AFF4: variants seen among roughly 807,000 people sequenced by gnomAD.
AFF4 encodes the protein ALF transcription elongation factor 4.
A neutral mutation model predicts 124.8 loss-of-function variants in AFF4; 13 were observed. The observed-to-expected ratio is 0.10, with a 90% CI of 0.07 to 0.17. The LOEUF (loss-of-function observed/expected upper bound fraction) is 0.17, where lower values mean the gene tolerates loss of function less well. AFF4 is among the 10% of genes least tolerant of loss of function. The pLI is 1.00. For synonymous variants in AFF4, 477 were observed against 496.1 expected, an observed-to-expected ratio of 0.96 and a Z score of 0.51; for missense variants, 1,092 against 1,403.8, an observed-to-expected ratio of 0.78 and a Z score of 3.55.
chr5:132,959,757 CTTTTTTT>C (rs1163731664), intron 1 of AFF4, among the ~76,000 whole-genome samples: 9 of 71,506 alleles, frequency 1.3e-4, no homozygotes, highest in South Asian at 1.1e-3. Flanking sequence ...GAGTGCTTTT[CTTTTTTT>C]TTTTTTTTTT....
chr5:132,910,632 G>A (rs1350659676), intron 5 of AFF4, among the ~76,000 whole-genome samples: 2 of 151,904 alleles, frequency 1.3e-5, no homozygotes, highest in East Asian at 1.9e-4. Flanking sequence ...ATAAGCTATC[G>A]GTAAGAAGCA....
In AFF4 at chr5:132,918,016, C is replaced by A. The variant is rs1581302608; in HGVS notation, c.1050+9105G>T. ...TACAGGCATGAGCCACCGCATCCAG[C>A]CCATGAAATGTATTTCTATAAATTA... On this transcript the variant is annotated intron_variant, in intron 5 of 20. Transcript: ENST00000265343. Among the ~76,000 whole-genome samples, 3 of 151,344 alleles carry A rather than the reference C, an allele frequency of 2.0e-5. No individual in the cohort carries two copies. In the East Asian group the frequency reaches 5.8e-4, roughly 29 times the overall value.
intron 7 of AFF4, 116 bp from the exon 8 acceptor site, chr5:132,899,757 C>CA: frequency 1.3e-6 from 1 of 799,056 alleles, no homozygotes; most frequent in Admixed American, 2.4e-5. Context: ...AAAATTTAAC[C>CA]AAAAAACAAA....
intron 1 of AFF4, among the ~76,000 whole-genome samples, chr5:132,954,961 G>T (rs778010530): frequency 6.6e-6 from 1 of 152,162 alleles, no homozygotes; most frequent in South Asian, 2.1e-4. Context: ...GTTCTTCTCC[G>T]GTATCCAGGA....
intron 5 of AFF4, among the ~76,000 whole-genome samples, chr5:132,925,220 T>C (rs1184274384): frequency 6.6e-6 from 1 of 151,884 alleles, no homozygotes; most frequent in Non-Finnish European, 1.5e-5. Context: ...TACCGGTGCA[T>C]TTTGTATATG....
intron 5 of AFF4, among the ~76,000 whole-genome samples, chr5:132,909,981 G>A (rs767757320): frequency 1.1e-4 from 16 of 152,166 alleles, no homozygotes; most frequent in East Asian, 1.9e-4. Context: ...GACAACTTAC[G>A]TCTAAGTGTG....
chr5:132,878,490 G>A lies in AFF4; in HGVS notation c.*2569C>T. ...ACCTATTGAGGAGGGAGGGGGGAAG[G>A]TCACCTGTAAAGGAGTCCAAAGTAT... On this transcript the variant is annotated 3_prime_UTR_variant, in exon 21 of 21. Coordinates refer to ENST00000265343, the MANE Select transcript of AFF4 (RefSeq NM_014423.4). 1 of 232,458 alleles carries A rather than the reference G, an allele frequency of 4.3e-6. No homozygotes were observed. The highest frequency in any genetic ancestry group is 8.5e-6 in the Non-Finnish European group (1 of 117,252). 14.4% of individuals were successfully genotyped at this position (232,458 alleles called of 1,614,324 possible).
At position 132,902,317 on chromosome 5, in the gene AFF4, G is replaced by T. The variant is rs549557254; in HGVS notation, c.1133+125C>A. 16 of 723,630 alleles carry T rather than the reference G, an allele frequency of 2.2e-5. No individual in the cohort carries two copies. In the East Asian group the frequency reaches 4.5e-4, roughly 20 times the overall value. 44.8% of individuals were successfully genotyped at this position (723,630 alleles called of 1,614,324 possible). On this transcript the variant is annotated intron_variant, in intron 7 of 20. Coordinates refer to ENST00000265343, the MANE Select transcript of AFF4 (RefSeq NM_014423.4). ...CCTGCCTTGGCCTCCCAAAGTGCTA[G>T]GATTACAGGTGTCAGCCACCCTGCC...
In AFF4 at chr5:132,898,274, T is replaced by G; in HGVS notation, c.1345A>C (p.Ser449Arg). The change falls in exon 10 of 21, where the codon AGT (serine) becomes CGT (arginine). Residue 449 changes from serine (S) to arginine (R), a missense_variant. Ser to Arg is a moderately radical substitution (Grantham distance 110). Around this residue, in one of 11 missense-constraint regions of AFF4, gnomAD observed 9 missense variants for 33.7 expected, o/e 0.27. Coordinates refer to ENST00000265343, the MANE Select transcript of AFF4 (RefSeq NM_014423.4). ...GATGGCTCATTTGCCTCACTGTCAC[T>G]GGAACTACTTTCACTCTCTGAGTCA... ...GSDSESESSS[S>R]DSEANEPSQS... 6.2e-7 allele frequency: 1 copy of G among 1,614,242 alleles called. No individual in the cohort carries two copies. The highest frequency in any genetic ancestry group is 8.5e-7 in the Non-Finnish European group (1 of 1,180,046).
At position 132,887,595 on chromosome 5, in the gene AFF4, G is replaced by T; in HGVS notation, c.2934-3C>A. The T allele has an allele frequency of 6.2e-7, 1 of 1,610,344 alleles. No homozygotes were observed. The highest frequency in any genetic ancestry group is 8.5e-7 in the Non-Finnish European group (1 of 1,176,720). On this transcript the variant is annotated splice_polypyrimidine_tract_variant and splice_region_variant and intron_variant, in intron 16 of 20. Coordinates refer to ENST00000265343, the MANE Select transcript of AFF4 (RefSeq NM_014423.4). ...AATTCTTTAGCTTCATAGTGTATCT[G>T]TTGAGTTACAATAACAAACAAATGA...
intron 5 of AFF4, among the ~76,000 whole-genome samples, chr5:132,909,442 C>T (rs1760742874): frequency 1.3e-5 from 2 of 152,146 alleles, no homozygotes; most frequent in African/African-American, 4.8e-5. Flanking sequence ...CACAATAGGC[C>T]AACATCATCT....
intron 5 of AFF4, among the ~76,000 whole-genome samples, chr5:132,912,854 AACACACACACAC>A (rs71221402): frequency 6.8e-6 from 1 of 146,644 alleles, no homozygotes; most frequent in South Asian, 2.2e-4. Flanking sequence ...ACACACACAC[AACACACACACAC>A]ACACACACAC....
At chr5:132,929,971 T>G (rs951197587) in intron 4 of AFF4, among the ~76,000 whole-genome samples, 5 of 152,026 alleles carry the variant, frequency 3.3e-5, no homozygotes, top group African/African-American at 7.2e-5. Flanking sequence ...AAGCAAAAAT[T>G]TTAAAGTCTA....
chr5:132,890,365 G>T (rs1760225009), intron 13 of AFF4, among the ~76,000 whole-genome samples: 1 of 151,872 alleles, frequency 6.6e-6, no homozygotes, highest in African/African-American at 2.4e-5. Context: ...AACCTCCTGG[G>T]CTCAAGCGAT....
chr5:132,899,942 TCC>T (rs1301068579), intron 7 of AFF4, among the ~76,000 whole-genome samples: 1 of 152,158 alleles, frequency 6.6e-6, no homozygotes, highest in Non-Finnish European at 1.5e-5. Flanking sequence ...CTCTAACTTT[TCC>T]CCTAGTTGCA....
At chr5:132,881,491 T>G (rs1343031749) in intron 20 of AFF4, among the ~76,000 whole-genome samples, 2 of 152,212 alleles carry the variant, frequency 1.3e-5, no homozygotes, top group African/African-American at 4.8e-5. Context: ...AAATGAAGAT[T>G]TAATGCCATA....
rs1389158779 is a variant in AFF4 at position 132,878,250 on chromosome 5, A to G, written c.*2809T>C. 1 of 229,288 alleles carries G rather than the reference A, an allele frequency of 4.4e-6. No homozygotes were observed. Among genetic ancestry groups the G allele is most frequent in the Non-Finnish European group, 8.7e-6 (1 of 115,556 alleles). The allele number at this position is 229,288 out of a possible 1,614,324, so 14.2% of individuals were successfully genotyped here. On this transcript the variant is annotated 3_prime_UTR_variant, in exon 21 of 21. Coordinates refer to ENST00000265343, the MANE Select transcript of AFF4 (RefSeq NM_014423.4). ...CAAGACTACTGTGACAACTGCAACCACTGCAATTGGTTCGTTGGTTGCTTG... is the reference window on the plus strand; with the variant it reads ...CAAGACTACTGTGACAACTGCAACCGCTGCAATTGGTTCGTTGGTTGCTTG...
chr5:132,892,637 T>C (rs1185588596), intron 12 of AFF4, among the ~76,000 whole-genome samples: 5 of 152,200 alleles, frequency 3.3e-5, no homozygotes, highest in South Asian at 2.1e-4. Context: ...TACCACTCAG[T>C]AGTACTCAAT....
intron 1 of AFF4, among the ~76,000 whole-genome samples, chr5:132,949,709 C>T (rs1470576180): frequency 2.6e-5 from 4 of 151,376 alleles, no homozygotes; most frequent in Admixed American, 1.3e-4. Context: ...CACGCGCGCG[C>T]GCGCGCGCCA....
Sources: gnomAD v4.1 joint callset for allele counts (sites outside exome capture counted in the v4.1 genomes callset) on GRCh38, gnomAD v4.1.1 for gene constraint, gnomAD v4.1.1 regional missense constraint, MANE v1.5 for transcripts, NCBI Gene and HGNC (gene_info 2026-07-23, HGNC 2026-07-21) for gene names.